DACH2: variants seen among roughly 807,000 people sequenced by gnomAD.
DACH2 encodes dachshund homolog 2.
A neutral mutation model predicts 35.8 loss-of-function variants in DACH2; 17 were observed. The observed-to-expected ratio is 0.48, with a 90% confidence interval of 0.33 to 0.71. The LOEUF is 0.71. Among genes scored for constraint, DACH2 ranks in the 30% least tolerant of loss-of-function variants. The pLI is 0.02. For missense variants in DACH2, 469 were observed against 472.7 expected, an observed-to-expected ratio of 0.99 and a Z score of 0.07; for synonymous variants, 195 against 177.3, an observed-to-expected ratio of 1.10 and a Z score of -0.79.
At chrX:86,726,538 A>G (rs889907574) in intron 6 of DACH2, among the ~76,000 whole-genome samples, 3 of 111,183 alleles carry the variant, frequency 2.7e-5, no homozygotes, top group Non-Finnish European at 3.8e-5. Context: ...CCTCAGTCCA[A>G]TGTTGGCAAT....
chrX:86,654,927 TTGTAAA>T (rs1396846656), intron 4 of DACH2, among the ~76,000 whole-genome samples: 1 of 111,622 alleles, frequency 9.0e-6, no homozygotes, highest in African/African-American at 3.3e-5. Flanking sequence ...AAATGATCAT[TTGTAAA>T]TGAAAATGTA....
intron 2 of DACH2, among the ~76,000 whole-genome samples, chrX:86,454,553 C>T (rs750795162): frequency 2.6e-4 from 29 of 111,954 alleles, no homozygotes; most frequent in Admixed American, 2.6e-3. Flanking sequence ...TTCTTTCCTC[C>T]ATCTCTTTTG....
chrX:86,329,448 T>A (rs745453912), intron 1 of DACH2, among the ~76,000 whole-genome samples: 1 of 110,707 alleles, frequency 9.0e-6, no homozygotes, highest in East Asian at 2.9e-4. Flanking sequence ...ATTGAGAGAG[T>A]TTCTTGTTGT....
At chrX:86,602,691 A>C (rs1412340199) in intron 3 of DACH2, among the ~76,000 whole-genome samples, 1 of 111,240 alleles carries the variant, frequency 9.0e-6, no homozygotes, top group African/African-American at 3.3e-5. Context: ...TATTGGGTTA[A>C]TTTTTCTCAT....
At chrX:86,239,690 C>A (rs2033126238) in intron 1 of DACH2, among the ~76,000 whole-genome samples, 1 of 111,891 alleles carries the variant, frequency 8.9e-6, no homozygotes, top group African/African-American at 3.2e-5. Flanking sequence ...TCTTTTGGTA[C>A]ACATATGCAC....
chrX:86,161,237 C>G, intron 1 of DACH2: 1 of 1,191,531 alleles, frequency 8.4e-7, no homozygotes, highest in Non-Finnish European at 1.1e-6. Flanking sequence ...GTGTGTAAGC[C>G]AGAAGGGCAT....
intron 2 of DACH2, among the ~76,000 whole-genome samples, chrX:86,383,112 T>G: frequency 9.0e-6 from 1 of 110,948 alleles, no homozygotes; most frequent in Middle Eastern, 4.6e-3. Context: ...CTGGGTTAGC[T>G]AATTTTTTTC....
chrX:86,661,249 C>G (rs754141768), intron 4 of DACH2, among the ~76,000 whole-genome samples: 1 of 112,082 alleles, frequency 8.9e-6, no homozygotes, highest in South Asian at 3.7e-4. Context: ...TTATGTAATT[C>G]TAGTCCTAAT....
chrX:86,354,851 A>AC lies in DACH2; in HGVS notation c.489-21973_489-21972insC, dbSNP rs1476589508. 2.0e-4 allele frequency among the ~76,000 whole-genome samples: 3 copies of AC among 15,116 alleles called. No homozygotes were observed. In the Admixed American group the frequency reaches 3.2e-3, roughly 16 times the overall value. 13.1% of individuals were successfully genotyped at this position (15,116 alleles called of 115,157 possible). A position where few individuals can be genotyped will look rare whatever the true frequency, so the allele number is the denominator to read the frequency against. On this transcript the variant is annotated intron_variant, in intron 1 of 11. Coordinates refer to ENST00000373125, the MANE Select transcript of DACH2 (RefSeq NM_053281.3). ...AATAAAATAAAAAAAAATAAATGAA[A>AC]AAAAAAAACAAAACAAAACAAAATA... is the stretch of plus-strand genomic sequence containing the variant.
chrX:86,236,180 A>G (rs2033053696), intron 1 of DACH2, among the ~76,000 whole-genome samples: 1 of 111,834 alleles, frequency 8.9e-6, no homozygotes, highest in Admixed American at 9.5e-5. Context: ...AACACTTTCC[A>G]TATTTCTATA....
chrX:86,229,808 C>T (rs754711106), intron 1 of DACH2, among the ~76,000 whole-genome samples: 7 of 105,381 alleles, frequency 6.6e-5, no homozygotes, highest in Admixed American at 2.0e-4. Context: ...GATCTGTGTA[C>T]GTTAATCTTG....
chrX:86,574,738 T>C (rs2039415374), intron 3 of DACH2, among the ~76,000 whole-genome samples: 1 of 111,821 alleles, frequency 8.9e-6, no homozygotes, highest in Non-Finnish European at 1.9e-5. Flanking sequence ...GGGAAATCTA[T>C]TTTAATATGC....
rs1343342729 is a variant in DACH2 at position 86,303,684 on chromosome X, C to A, written c.489-73140C>A. Among the ~76,000 whole-genome samples, 7 of 109,048 alleles carry A rather than the reference C, an allele frequency of 6.4e-5. No homozygotes were observed. In the Admixed American group the frequency reaches 7.0e-4, roughly 11 times the overall value. 94.7% of individuals were successfully genotyped at this position (109,048 alleles called of 115,157 possible). A position where few individuals can be genotyped will look rare whatever the true frequency, so the allele number is the denominator to read the frequency against. ...TCATTCATTTAACAAAAGCAATCTA[C>A]CTGTAATGATATATAAGCACATATG... On this transcript the variant is annotated intron_variant, in intron 1 of 11. Transcript: ENST00000373125.
At chrX:86,821,550 T>A (rs1352075378) in intron 11 of DACH2, among the ~76,000 whole-genome samples, 3 of 111,468 alleles carry the variant, frequency 2.7e-5, no homozygotes, top group Non-Finnish European at 5.7e-5. Context: ...TTCTCCTTTC[T>A]TCATCCTCCA....
At chrX:86,424,334 T>C (rs1003161603) in intron 2 of DACH2, among the ~76,000 whole-genome samples, 1 of 111,638 alleles carries the variant, frequency 9.0e-6, no homozygotes, top group African/African-American at 3.2e-5. Context: ...TATTTTTTTC[T>C]ATTTTTTGAT....
In DACH2 at chrX:86,695,066, T is replaced by A. The variant is rs772501404; in HGVS notation, c.818T>A (p.Phe273Tyr). The A allele has an allele frequency of 3.5e-6, 4 of 1,140,801 alleles. No homozygotes were observed. The African/African-American group carries it at 7.3e-5, about 21-fold the overall frequency. 94.0% of individuals were successfully genotyped at this position (1,140,801 alleles called of 1,213,427 possible). The change falls in exon 5 of 12, where the codon TTT becomes TAT. Residue 273 changes from phenylalanine to tyrosine, a missense_variant. Around this residue, in one of 3 missense-constraint regions of DACH2, gnomAD observed 363 missense variants for 334.4 expected, o/e 1.09. Transcript: ENST00000373125. The stretch of plus-strand genomic sequence containing the variant: ...GATAAAGATAAGATGCAGTCTCCAT[T>A]TGCTGCACCTGGACCCCAACATGGA... ...SWDKDKMQSP[F>Y]AAPGPQHGIA...
chrX:86,813,049 T>C, intron 8 of DACH2, 45 bp downstream of exon 8: 1 of 1,144,831 alleles, frequency 8.7e-7, no homozygotes, highest in Non-Finnish European at 1.2e-6. Flanking sequence ...TACAAGACAT[T>C]AGCACCTACA....
chrX:86,366,093 G>A (rs1476312802), intron 1 of DACH2, among the ~76,000 whole-genome samples: 1 of 110,937 alleles, frequency 9.0e-6, no homozygotes, highest in Non-Finnish European at 1.9e-5. Flanking sequence ...ACTATAATTA[G>A]GTGCTTTTGT....
At chrX:86,326,128 T>C (rs2035108920) in intron 1 of DACH2, among the ~76,000 whole-genome samples, 1 of 111,611 alleles carries the variant, frequency 9.0e-6, no homozygotes, top group African/African-American at 3.3e-5. Flanking sequence ...CAGAATACAA[T>C]GCAAATGGCA....
Sources: gnomAD v4.1 joint callset for allele counts (sites outside exome capture counted in the v4.1 genomes callset) on GRCh38, gnomAD v4.1.1 for gene constraint, gnomAD v4.1.1 regional missense constraint, MANE v1.5 for transcripts, NCBI Gene and HGNC (gene_info 2026-07-23, HGNC 2026-07-21) for gene names.